Variants in ZBTB20 observed in about 807,000 individuals in gnomAD.
ZBTB20 encodes zinc finger and BTB domain-containing protein 20.
Under a neutral mutation model 56.9 loss-of-function variants are expected in ZBTB20, and 9 were observed. The ratio of observed to expected loss-of-function variants is 0.16; its 90% CI spans 0.10 to 0.28. The LOEUF (loss-of-function observed/expected upper bound fraction) is 0.28. ZBTB20 is among the 10% of genes least tolerant of loss of function. The pLI is 1.00. For synonymous variants in ZBTB20, 417 were observed against 420.7 expected, an observed-to-expected ratio of 0.99 and a Z score of 0.11; for missense variants, 655 against 1,003.0, an observed-to-expected ratio of 0.65 and a Z score of 4.69.
chr3:114,807,292 T>C (rs2072177296), intron 4 of ZBTB20, among the ~76,000 whole-genome samples: 1 of 151,996 alleles, frequency 6.6e-6, no homozygotes, highest in African/African-American at 2.4e-5. Flanking sequence ...GGGAGGTGTA[T>C]GTACATTGCT....
intron 5 of ZBTB20, among the ~76,000 whole-genome samples, chr3:114,779,196 A>G (rs778840639): frequency 6.6e-6 from 1 of 152,188 alleles, no homozygotes; most frequent in Non-Finnish European, 1.5e-5. Flanking sequence ...AACACTATGT[A>G]CACCTAACTT....
intron 4 of ZBTB20, among the ~76,000 whole-genome samples, chr3:114,862,798 A>G (rs2075592221): frequency 6.6e-6 from 1 of 152,196 alleles, no homozygotes; most frequent in South Asian, 2.1e-4. Context: ...TGGGGGCATC[A>G]TATTAAACAT....
At chr3:114,666,400 A>T (rs2061056430) in intron 6 of ZBTB20, among the ~76,000 whole-genome samples, 1 of 152,044 alleles carries the variant, frequency 6.6e-6, no homozygotes, top group South Asian at 2.1e-4. Context: ...ACTTTCTTCT[A>T]CAAGTTTGCC....
At chr3:114,757,600 T>C (rs552694381) in intron 5 of ZBTB20, among the ~76,000 whole-genome samples, 2 of 152,252 alleles carry the variant, frequency 1.3e-5, no homozygotes, top group African/African-American at 4.8e-5. Context: ...CAGGAAACTT[T>C]AAGGAGGCTG....
At chr3:114,553,610 T>G (rs2050837953) in intron 6 of ZBTB20, among the ~76,000 whole-genome samples, 1 of 152,188 alleles carries the variant, frequency 6.6e-6, no homozygotes, top group Non-Finnish European at 1.5e-5. Flanking sequence ...ATAACTTATC[T>G]GGTACATTCC....
At chr3:114,681,651 T>C (rs777105717) in intron 6 of ZBTB20, among the ~76,000 whole-genome samples, 53 of 152,208 alleles carry the variant, frequency 3.5e-4, no homozygotes, top group Non-Finnish European at 5.6e-4. Context: ...GTGGGAAAGA[T>C]AGCAAATAAT....
Position 114,334,014 on chromosome 3 carries a change from C to T in ZBTB20, c.*4991G>A, listed in dbSNP as rs2079363069. 1 of 152,094 alleles carries T rather than the reference C, an allele frequency of 6.6e-6. No individual in the cohort carries two copies. Among genetic ancestry groups the T allele is most frequent in the Admixed American group, 6.5e-5 (1 of 15,272 alleles). 9.4% of individuals were successfully genotyped at this position (152,094 alleles called of 1,614,324 possible). On this transcript the variant is annotated 3_prime_UTR_variant, in exon 12 of 12. Coordinates refer to ENST00000675478, the MANE Select transcript of ZBTB20 (RefSeq NM_001348800.3). ...AGGTCACAACAGAAAGGGCGCCCTC[C>T]TGTTCTCCTAAATCTCAAGGGCATC... is the stretch of plus-strand genomic sequence containing the variant.
intron 1 of ZBTB20, among the ~76,000 whole-genome samples, chr3:115,141,095 T>C (rs529900109): frequency 7.9e-5 from 12 of 152,258 alleles, no homozygotes; most frequent in African/African-American, 2.9e-4. Context: ...TTTTCTTATA[T>C]GACACCTTGA....
intron 6 of ZBTB20, among the ~76,000 whole-genome samples, chr3:114,563,203 G>T (rs2052311971): frequency 1.3e-5 from 2 of 152,092 alleles, no homozygotes; most frequent in Non-Finnish European, 2.9e-5. Flanking sequence ...CACTGTCTTT[G>T]TCTATTTGAC....
At chr3:114,566,569 G>A (rs1469910452) in intron 6 of ZBTB20, among the ~76,000 whole-genome samples, 2 of 152,136 alleles carry the variant, frequency 1.3e-5, no homozygotes, top group African/African-American at 4.8e-5. Flanking sequence ...TTCCTTTGCA[G>A]CACAAGTTGA....
At chr3:114,726,629 T>C (rs1261135173) in intron 5 of ZBTB20, among the ~76,000 whole-genome samples, 1 of 152,080 alleles carries the variant, frequency 6.6e-6, no homozygotes, top group Non-Finnish European at 1.5e-5. Flanking sequence ...GACAGTGAGA[T>C]AGGCCGGGCG....
chr3:114,957,078 C>A lies in ZBTB20; in HGVS notation c.-456+17288G>T, dbSNP rs189322333. 2.1e-3 allele frequency among the ~76,000 whole-genome samples: 325 copies of A among 152,292 alleles called. 2 individuals are homozygous for A. Among genetic ancestry groups the A allele is most frequent in the Non-Finnish European group, 3.2e-3 (218 of 68,018 alleles). ...CCTGGACTGCTGGCATACAGGTCCACACCTCTTCCAAAACAAAATTTGGAC... is the reference window on the plus strand; with the variant it reads ...CCTGGACTGCTGGCATACAGGTCCAAACCTCTTCCAAAACAAAATTTGGAC... On this transcript the variant is annotated intron_variant, in intron 3 of 11. Transcript: ENST00000675478.
chr3:114,919,622 T>C (rs1209845342), intron 3 of ZBTB20, among the ~76,000 whole-genome samples: 1 of 151,908 alleles, frequency 6.6e-6, no homozygotes, highest in African/African-American at 2.4e-5. Context: ...GGAGAATCAC[T>C]TGAACCCGGG....
rs562470893 is a variant in ZBTB20, at chr3:114,362,154, T to C, written c.200-10276A>G. The stretch of plus-strand genomic sequence containing the variant: ...AAAAATACGGGAATTTTTTTGTACC[T>C]GAATGTTGAGGAGTGTTGGGGAAGT... On this transcript the variant is annotated intron_variant, in intron 10 of 11. Transcript: ENST00000675478. 1.4e-3 allele frequency among the ~76,000 whole-genome samples: 218 copies of C among 152,294 alleles called. 1 individual carries two copies. Among genetic ancestry groups the C allele is most frequent in the African/African-American group, 4.9e-3 (203 of 41,566 alleles).
At chr3:115,036,191 C>T (rs1427696563) in intron 2 of ZBTB20, among the ~76,000 whole-genome samples, 1 of 151,684 alleles carries the variant, frequency 6.6e-6, no homozygotes, top group African/African-American at 2.4e-5. Context: ...CTTAATGCCA[C>T]CAAACTGTAC....
Position 115,071,674 on chromosome 3 carries a change from G to C in ZBTB20, c.-702-260C>G, listed in dbSNP as rs1339588980. On this transcript the variant is annotated intron_variant, in intron 1 of 11. Transcript: ENST00000675478. The stretch of plus-strand genomic sequence containing the variant: ...CTTTAATTGGATTCCTTTGGGTACA[G>C]TTTGTTTCCCTTTTTCTCTGACCAT... Among the ~76,000 whole-genome samples the C allele has an allele frequency of 2.0e-5, 3 of 152,248 alleles. No homozygotes were observed. In the East Asian group the frequency reaches 5.8e-4, roughly 29 times the overall value.
chr3:115,136,088 T>C (rs2084645466), intron 1 of ZBTB20, among the ~76,000 whole-genome samples: 1 of 152,120 alleles, frequency 6.6e-6, no homozygotes, highest in African/African-American at 2.4e-5. Flanking sequence ...CCTGAATTGA[T>C]TGTAGTAGAT....
chr3:114,933,623 AG>A (rs1040130026), intron 3 of ZBTB20, among the ~76,000 whole-genome samples: 10 of 151,582 alleles, frequency 6.6e-5, no homozygotes, highest in Non-Finnish European at 1.2e-4. Flanking sequence ...GCGTCAACAT[AG>A]GTGAAAACCC....
At position 114,494,894 on chromosome 3, in the gene ZBTB20, T is replaced by C. The variant is rs574217034; in HGVS notation, c.-255+5458A>G. Among the ~76,000 whole-genome samples, 6 of 152,352 alleles carry C rather than the reference T, an allele frequency of 3.9e-5. No homozygotes were observed. The East Asian group carries it at 1.2e-3, about 29-fold the overall frequency. On this transcript the variant is annotated intron_variant, in intron 7 of 11. Transcript: ENST00000675478. Reference sequence around the variant, plus strand: ...ATTCAAGTGGGGAAAAGTGATGCTATTTATGGGCCCCCTCGAAGATTCCAA... The same window carrying C: ...ATTCAAGTGGGGAAAAGTGATGCTACTTATGGGCCCCCTCGAAGATTCCAA...
Sources: allele counts gnomAD v4.1 joint callset (sites outside exome capture counted in the v4.1 genomes callset), GRCh38; gene constraint gnomAD v4.1.1; transcripts MANE v1.5; gene names NCBI Gene and HGNC (gene_info 2026-07-23, HGNC 2026-07-21).